The following CLK3 variants were observed in gnomAD, a reference collection of about 807,000 sequenced individuals.
CLK3 encodes dual specificity protein kinase CLK3.
Under a neutral mutation model 65.2 loss-of-function variants are expected in CLK3, and 24 were observed. That is an observed-to-expected ratio of 0.37 (90% CI 0.27 to 0.52). The LOEUF (loss-of-function observed/expected upper bound fraction) is 0.52. CLK3 is among the 20% of genes least tolerant of loss of function. CLK3 has a pLI of 0.92. For synonymous variants in CLK3, 252 were observed against 240.8 expected, an observed-to-expected ratio of 1.05 and a Z score of -0.43; for missense variants, 506 against 660.0, an observed-to-expected ratio of 0.77 and a Z score of 2.56.
Position 74,624,855 on chromosome 15 carries a change from A to G in CLK3, c.534-47A>G. 1 of 1,402,944 alleles carries G rather than the reference A, an allele frequency of 7.1e-7. No individual in the cohort carries two copies. Among genetic ancestry groups the G allele is most frequent in the Non-Finnish European group, 1.0e-6 (1 of 1,001,944 alleles). The allele number at this position is 1,402,944 out of a possible 1,614,324, so 86.9% of individuals were successfully genotyped here. A position where few individuals can be genotyped will look rare whatever the true frequency, so the allele number is the denominator to read the frequency against. On this transcript the variant is annotated intron_variant, in intron 5 of 12. Coordinates refer to ENST00000395066, the MANE Select transcript of CLK3 (RefSeq NM_001130028.2). The surrounding 1 kb of genome is among the most constrained non-coding windows in gnomAD (Gnocchi z 4.2). ...GGTTGGGGTGGAGGGTTGGGGAAGG[A>G]CTGGGCAGCTGCTGATGAGAACCTC...
At position 74,620,012 on chromosome 15, in the gene CLK3, T is replaced by G. The variant is rs751301893; in HGVS notation, c.156T>G (p.His52Gln). The change falls in exon 3 of 13, where the codon CAT becomes CAG. Residue 52 changes from histidine to glutamine, a missense_variant. Physicochemically the swap from His to Gln is conservative, Grantham distance 24. Transcript: ENST00000395066. Reference protein sequence around the residue: ...PPPRRSRSRSHDRLPYQRRYR... With the variant: ...PPPRRSRSRSQDRLPYQRRYR... ...GTCCCCATCCCCCTTTTGGCAGCCATGACCGCCTGCCCTACCAGAGGAGGT... is the reference window on the plus strand; with the variant it reads ...GTCCCCATCCCCCTTTTGGCAGCCAGGACCGCCTGCCCTACCAGAGGAGGT... The G allele has an allele frequency of 1.2e-6, 2 of 1,614,068 alleles. No homozygotes were observed. Among genetic ancestry groups the G allele is most frequent in the South Asian group, 1.1e-5 (1 of 91,088 alleles).
chr15:74,610,858 G>T (rs1471510847), upstream of CLK3, among the ~76,000 whole-genome samples: 1 of 152,242 alleles, frequency 6.6e-6, no homozygotes, highest in Non-Finnish European at 1.5e-5. Flanking sequence ...AAGACACAGA[G>T]TCACTGAAGG....
upstream of CLK3, among the ~76,000 whole-genome samples, chr15:74,614,211 G>A (rs1196759721): frequency 6.6e-6 from 1 of 152,122 alleles, no homozygotes; most frequent in Non-Finnish European, 1.5e-5. Flanking sequence ...ACGGGGTTTC[G>A]CCATGTTGGC....
Position 74,627,725 on chromosome 15 carries a change from G to C in CLK3, c.1042+57G>C. ...TACTGGACTGTTGTTGGGAGGGTAT[G>C]AGCAGAGGCAGTGGCATGCCTGTCA... is the stretch of plus-strand genomic sequence containing the variant. On this transcript the variant is annotated intron_variant, in intron 9 of 12. Coordinates refer to ENST00000395066, the MANE Select transcript of CLK3 (RefSeq NM_001130028.2). This position sits in a 1 kb window ranked among gnomAD's most constrained non-coding sequence, Gnocchi z 4.3. 6.2e-7 allele frequency: 1 copy of C among 1,603,628 alleles called. No individual in the cohort carries two copies. The highest frequency in any genetic ancestry group is 1.1e-5 in the South Asian group (1 of 90,684).
intron 7 of CLK3, among the ~76,000 whole-genome samples, 175 bp downstream of exon 7, chr15:74,626,143 G>T (rs2062141919): frequency 6.6e-6 from 1 of 152,164 alleles, no homozygotes; most frequent in African/African-American, 2.4e-5. Flanking sequence ...TCAGTGTGAG[G>T]ATGGAAAGGC....
At chr15:74,619,820 G>A (rs904145431) in intron 2 of CLK3, 189 bp from the exon 3 acceptor site, 9 of 846,302 alleles carry the variant, frequency 1.1e-5, no homozygotes, top group African/African-American at 6.8e-5. Flanking sequence ...GGATGCTGTC[G>A]TTGGACAGGG....
intron 11 of CLK3, 90 bp downstream of exon 11, chr15:74,628,773 T>A (rs1052259263): frequency 8.4e-7 from 1 of 1,187,118 alleles, no homozygotes; most frequent in Non-Finnish European, 1.2e-6. Context: ...TGGTGAGTCT[T>A]TGCTGGACAG....
At chr15:74,619,873 G>A in intron 2 of CLK3, 136 bp from the exon 3 acceptor site, 1 of 1,428,548 alleles carries the variant, frequency 7.0e-7, no homozygotes, top group South Asian at 1.4e-5. Context: ...TCCCCTCTCT[G>A]CCCACTTCCC....
upstream of CLK3, chr15:74,615,018 C>A: frequency 5.8e-6 from 1 of 173,496 alleles, no homozygotes; most frequent in Non-Finnish European, 1.2e-5. Flanking sequence ...GAAAGTGGGG[C>A]CTCGTAATCC....
upstream of CLK3, among the ~76,000 whole-genome samples, chr15:74,611,571 C>T (rs552213602): frequency 3.9e-5 from 6 of 152,366 alleles, no homozygotes; most frequent in South Asian, 4.1e-4. Context: ...CTTCTCTGCC[C>T]GCCTCCAGTC....
rs866120296 is a variant in CLK3, at chr15:74,626,877, C to T, written c.818-475C>T. 3.0e-4 allele frequency: 125 copies of T among 411,558 alleles called. 4 individuals are homozygous for T. The highest frequency in any genetic ancestry group is 2.1e-3 in the Admixed American group (81 of 38,922). 25.5% of individuals were successfully genotyped at this position (411,558 alleles called of 1,614,324 possible). A position where few individuals can be genotyped will look rare whatever the true frequency, so the allele number is the denominator to read the frequency against. The stretch of plus-strand genomic sequence containing the variant: ...AGGCGGGGCTGTCTTCCTGGGTATG[C>T]GACCTGTGCACTCAGTCGCACAGGA... On this transcript the variant is annotated intron_variant, in intron 7 of 12. Transcript: ENST00000395066.
chr15:74,612,582 C>A (rs1264621076), upstream of CLK3, among the ~76,000 whole-genome samples: 2 of 152,272 alleles, frequency 1.3e-5, no homozygotes, highest in East Asian at 1.9e-4. Flanking sequence ...ACCTCTACCA[C>A]CCCCACCCTG....
chr15:74,628,651 G>T lies in CLK3; in HGVS notation c.1173G>T (p.Gly391=). 6.2e-7 allele frequency: 1 copy of T among 1,613,672 alleles called. No individual in the cohort carries two copies. The highest frequency in any genetic ancestry group is 8.5e-7 in the Non-Finnish European group (1 of 1,179,774). ...TGGTGATGATGGAGAAGATCCTAGG[G>T]CCCATCCCATCACACATGATCCACC... ...EHLVMMEKIL[G]PIPSHMIHRT... The change falls in exon 11 of 13, where the codon GGG becomes GGT. Residue 391 remains glycine, a synonymous_variant. Transcript: ENST00000395066.
chr15:74,621,146 CTTT>C lies in CLK3; in HGVS notation c.369+922_369+924del, dbSNP rs2062099267. On this transcript the variant is annotated intron_variant, in intron 3 of 12. Transcript: ENST00000395066. The surrounding 1 kb of genome is among the most constrained non-coding windows in gnomAD (Gnocchi z 4.8). ...CTCTGCCCAGCGCTTTCTGTGACTTCTTTGAGTGGCTACAGGTTGAGGGTTGAC... is the reference window on the plus strand; with the variant it reads ...CTCTGCCCAGCGCTTTCTGTGACTTCGAGTGGCTACAGGTTGAGGGTTGAC... 1 of 152,530 alleles carries C rather than the reference CTTT, an allele frequency of 6.6e-6. No individual in the cohort carries two copies. The highest frequency in any genetic ancestry group is 2.1e-4 in the South Asian group (1 of 4,842). 9.4% of individuals were successfully genotyped at this position (152,530 alleles called of 1,614,324 possible). A position where few individuals can be genotyped will look rare whatever the true frequency, so the allele number is the denominator to read the frequency against.
chr15:74,624,641 G>A lies in CLK3; in HGVS notation c.534-261G>A. Reference sequence around the variant, plus strand: ...CCTCTACTCTCCCACACTCCTTTGGGAGCTGGCAGTGGCTGAGAACATAAA... The same window carrying A: ...CCTCTACTCTCCCACACTCCTTTGGAAGCTGGCAGTGGCTGAGAACATAAA... On this transcript the variant is annotated intron_variant, in intron 5 of 12. Transcript: ENST00000395066. This position sits in a 1 kb window ranked among gnomAD's most constrained non-coding sequence, Gnocchi z 4.2. 1 of 539,950 alleles carries A rather than the reference G, an allele frequency of 1.9e-6. No homozygotes were observed. The highest frequency in any genetic ancestry group is 3.4e-6 in the Non-Finnish European group (1 of 298,282). 33.4% of individuals were successfully genotyped at this position (539,950 alleles called of 1,614,324 possible). A position where few individuals can be genotyped will look rare whatever the true frequency, so the allele number is the denominator to read the frequency against.
chr15:74,619,950 C>T (rs2062088088), intron 2 of CLK3, 59 bp from the exon 3 acceptor site: 1 of 1,609,824 alleles, frequency 6.2e-7, no homozygotes. Flanking sequence ...TACCACAGGT[C>T]TCTTGCTTGC....
In CLK3 at chr15:74,619,355, G is replaced by C; in HGVS notation, c.152+7G>C. 4 of 1,613,942 alleles carry C rather than the reference G, an allele frequency of 2.5e-6. No homozygotes were observed. Among genetic ancestry groups the C allele is most frequent in the Non-Finnish European group, 2.5e-6 (3 of 1,179,898 alleles). On this transcript the variant is annotated splice_region_variant and intron_variant, in intron 2 of 12. Coordinates refer to ENST00000395066, the MANE Select transcript of CLK3 (RefSeq NM_001130028.2). ...GAAGATCTCGGTCCAGAAGGTGAGA[G>C]GGAACTAGATAGGAGGGAAAGACTC...
In CLK3 at chr15:74,621,440, G is replaced by GT. The variant is rs563040819; in HGVS notation, c.370-679dup. 2.7e-3 allele frequency: 453 copies of GT among 167,902 alleles called. 1 individual carries two copies. The highest frequency in any genetic ancestry group is 0.01 in the African/African-American group (425 of 41,828). The allele number at this position is 167,902 out of a possible 1,614,324, so 10.4% of individuals were successfully genotyped here. A position where few individuals can be genotyped will look rare whatever the true frequency, so the allele number is the denominator to read the frequency against. ...CAGGCTGCTTTCCTTCTTGAGGCTG[G>GT]TGGCAGGAGGGCTGCTGACGGAAGG... On this transcript the variant is annotated intron_variant, in intron 3 of 12. Coordinates refer to ENST00000395066, the MANE Select transcript of CLK3 (RefSeq NM_001130028.2). This position sits in a 1 kb window ranked among gnomAD's most constrained non-coding sequence, Gnocchi z 4.8.
At chr15:74,616,895 A>C (rs1275969688) in intron 1 of CLK3, among the ~76,000 whole-genome samples, 1 of 152,206 alleles carries the variant, frequency 6.6e-6, no homozygotes, top group African/African-American at 2.4e-5. Flanking sequence ...TTTTCTTCAT[A>C]TCACCTTTTT....
Sources: allele counts gnomAD v4.1 joint callset (sites outside exome capture counted in the v4.1 genomes callset), GRCh38; gene constraint gnomAD v4.1.1; non-coding constraint Gnocchi (gnomAD v3.1); transcripts MANE v1.5; gene names NCBI Gene and HGNC (gene_info 2026-07-23, HGNC 2026-07-21).